Variants in NXPE2 observed in about 807,000 individuals in gnomAD.
NXPE2 encodes the protein neurexophilin and PC-esterase domain family member 2, also known as NXPE family member 2.
In NXPE2, 34 loss-of-function variants were observed where a neutral mutation model predicts 34.4. That is an observed-to-expected ratio of 0.99 (90% CI 0.75 to 1.31). The LOEUF (loss-of-function observed/expected upper bound fraction) is 1.31, where lower values mean the gene tolerates loss of function less well. Ranked by LOEUF, NXPE2 falls within the 40% of genes most tolerant of loss-of-function variation. The pLI is 0.00. For missense variants in NXPE2, 649 were observed against 672.5 expected (o/e 0.97, Z 0.39); for synonymous variants, 235 against 231.3 (o/e 1.02, Z -0.15).
the NXPE2 span, among the ~76,000 whole-genome samples, chr11:114,607,978 G>A: frequency 1.3e-5 from 2 of 151,718 alleles, no homozygotes; most frequent in Non-Finnish European, 2.9e-5. Context: ...GTTGCCTCGT[G>A]AGTCACCGCT....
chr11:114,673,805 A>G (rs1478093672), upstream of NXPE2, among the ~76,000 whole-genome samples: 2 of 151,808 alleles, frequency 1.3e-5, no homozygotes, highest in Non-Finnish European at 2.9e-5. Flanking sequence ...GGTTCCCACA[A>G]AGATAGGAAG....
At chr11:114,524,991 A>T in the NXPE2 span, among the ~76,000 whole-genome samples, 1 of 152,080 alleles carries the variant, frequency 6.6e-6, no homozygotes, top group Non-Finnish European at 1.5e-5. Flanking sequence ...GCAGATAATT[A>T]TGGTAAATCT....
the NXPE2 span, among the ~76,000 whole-genome samples, chr11:114,645,813 G>A: frequency 5.3e-5 from 8 of 152,118 alleles, no homozygotes; most frequent in Non-Finnish European, 1.0e-4. Context: ...AAATCACAGT[G>A]ACAGATGTCA....
chr11:114,558,759 A>T, the NXPE2 span, among the ~76,000 whole-genome samples: 1 of 152,188 alleles, frequency 6.6e-6, no homozygotes, highest in Non-Finnish European at 1.5e-5. Flanking sequence ...ATCGTTTTGA[A>T]AGCAGAATGG....
the NXPE2 span, among the ~76,000 whole-genome samples, chr11:114,801,451 C>T: frequency 6.6e-6 from 1 of 152,134 alleles, no homozygotes; most frequent in Non-Finnish European, 1.5e-5. Context: ...GGGGACAGAT[C>T]ATAGAGTCTT....
At chr11:114,583,104 G>T in the NXPE2 span, 1 of 1,378,536 alleles carries the variant, frequency 7.3e-7, no homozygotes, top group Non-Finnish European at 9.8e-7. Flanking sequence ...AACATGCTAT[G>T]AAATTAACAT....
the NXPE2 span, among the ~76,000 whole-genome samples, chr11:114,537,269 TG>T: frequency 6.6e-6 from 1 of 152,176 alleles, no homozygotes; most frequent in South Asian, 2.1e-4. Flanking sequence ...TAGGTATTGA[TG>T]GGACATATCT....
the NXPE2 span, among the ~76,000 whole-genome samples, chr11:114,540,779 A>G: frequency 7.7e-6 from 1 of 130,648 alleles, no homozygotes; most frequent in Non-Finnish European, 1.6e-5. Flanking sequence ...CCTGGTTTTG[A>G]TGTGTTAGCC....
the NXPE2 span, among the ~76,000 whole-genome samples, chr11:114,601,236 TC>T: frequency 2.6e-5 from 4 of 151,020 alleles, no homozygotes; most frequent in South Asian, 8.3e-4. Context: ...TCATCCCATT[TC>T]CCTTCCCATG....
the NXPE2 span, among the ~76,000 whole-genome samples, chr11:114,564,661 G>C: frequency 6.6e-6 from 1 of 152,042 alleles, no homozygotes. Context: ...CTGGGATCTG[G>C]GACTTGAAGG....
the NXPE2 span, among the ~76,000 whole-genome samples, chr11:114,801,883 G>T: frequency 1.3e-5 from 2 of 152,154 alleles, no homozygotes; most frequent in Non-Finnish European, 2.9e-5. Flanking sequence ...TGAGTGTTGT[G>T]TTGGACAAGT....
chr11:114,568,991 T>A, the NXPE2 span, among the ~76,000 whole-genome samples: 1 of 152,178 alleles, frequency 6.6e-6, no homozygotes, highest in South Asian at 2.1e-4. Context: ...AAAAAAATGT[T>A]GACCATCTGA....
the NXPE2 span, among the ~76,000 whole-genome samples, chr11:114,646,452 G>A: frequency 1.3e-5 from 2 of 151,752 alleles, no homozygotes; most frequent in South Asian, 2.1e-4. Flanking sequence ...AAACATTCTT[G>A]TATTCTTGAG....
chr11:114,527,789 T>G, the NXPE2 span: 1 of 1,290,020 alleles, frequency 7.8e-7, no homozygotes. Context: ...AGGTTAATGC[T>G]GATAAAAGTT....
At chr11:114,747,406 A>G in the NXPE2 span, among the ~76,000 whole-genome samples, 1 of 152,192 alleles carries the variant, frequency 6.6e-6, no homozygotes, top group African/African-American at 2.4e-5. Flanking sequence ...GAAGTGATAC[A>G]TGTCACTTGA....
the NXPE2 span, among the ~76,000 whole-genome samples, chr11:114,811,640 C>G: frequency 3.9e-5 from 6 of 152,206 alleles, no homozygotes; most frequent in African/African-American, 1.2e-4. Context: ...AGCCTCCACA[C>G]TGGGGACTTA....
chr11:114,557,552 T>G, the NXPE2 span, among the ~76,000 whole-genome samples: 2 of 150,398 alleles, frequency 1.3e-5, no homozygotes, highest in Non-Finnish European at 3.0e-5. Context: ...TAGCCTCCCA[T>G]GTAGCTGGGA....
chr11:114,546,115 G>C, the NXPE2 span, among the ~76,000 whole-genome samples: 9 of 152,210 alleles, frequency 5.9e-5, no homozygotes, highest in Admixed American at 2.6e-4. Context: ...TAACCTTGCT[G>C]GATAAAAGTG....
At chr11:114,509,689 A>C in the NXPE2 span, among the ~76,000 whole-genome samples, 1 of 152,158 alleles carries the variant, frequency 6.6e-6, no homozygotes, top group South Asian at 2.1e-4. Flanking sequence ...CAGATACCAC[A>C]TGTTCTCACT....
Sources: gnomAD v4.1 joint callset for allele counts (sites outside exome capture counted in the v4.1 genomes callset) on GRCh38, gnomAD v4.1.1 for gene constraint, MANE v1.5 for transcripts, NCBI Gene and HGNC (gene_info 2026-07-23, HGNC 2026-07-21) for gene names.